CNTNAP2: variants seen among roughly 807,000 people sequenced by gnomAD.
CNTNAP2 encodes the protein contactin-associated protein-like 2.
A neutral mutation model predicts 155.2 loss-of-function variants in CNTNAP2; 98 were observed. That is an observed-to-expected ratio of 0.63 (90% CI 0.54 to 0.75). The LOEUF (loss-of-function observed/expected upper bound fraction) is 0.75. Ranked by LOEUF, CNTNAP2 falls within the 30% of genes least tolerant of loss-of-function variation. The pLI is 0.00. For missense variants in CNTNAP2, 1,727 were observed against 1,688.1 expected (o/e 1.02, Z -0.40); for synonymous variants, 651 against 631.2 (o/e 1.03, Z -0.47).
At chr7:147,700,744 G>A (rs1419565425) in intron 13 of CNTNAP2, among the ~76,000 whole-genome samples, 1 of 152,234 alleles carries the variant, frequency 6.6e-6, no homozygotes, top group Non-Finnish European at 1.5e-5. Flanking sequence ...TGATATAAGA[G>A]TGGTGTGAAA....
intron 1 of CNTNAP2, among the ~76,000 whole-genome samples, chr7:146,276,078 C>T (rs140880149): frequency 1.3e-5 from 2 of 152,264 alleles, no homozygotes; most frequent in African/African-American, 4.8e-5. Context: ...ACATGCTAAC[C>T]ACATTCCTAG....
chr7:148,363,997 C>T lies in CNTNAP2; in HGVS notation c.3476-19652C>T, dbSNP rs556849914. On this transcript the variant is annotated intron_variant, in intron 21 of 23. Coordinates refer to ENST00000361727, the MANE Select transcript of CNTNAP2 (RefSeq NM_014141.6). The stretch of plus-strand genomic sequence containing the variant: ...GTACTGGGTCCCCCAGCAGTGCCGG[C>T]CCACCGGCGCTGCGCTCGATTTCTC... Among the ~76,000 whole-genome samples, 24 of 152,272 alleles carry T rather than the reference C, an allele frequency of 1.6e-4. 1 individual carries two copies. The highest frequency in any genetic ancestry group is 5.8e-4 in the African/African-American group (24 of 41,562).
At chr7:146,500,497 T>C (rs1190203380) in intron 1 of CNTNAP2, among the ~76,000 whole-genome samples, 1 of 152,166 alleles carries the variant, frequency 6.6e-6, no homozygotes, top group Non-Finnish European at 1.5e-5. Flanking sequence ...ATTGTCTGGT[T>C]GCTATAATCC....
At chr7:146,746,857 T>A (rs150145747) in intron 1 of CNTNAP2, among the ~76,000 whole-genome samples, 3 of 152,284 alleles carry the variant, frequency 2.0e-5, no homozygotes, top group African/African-American at 7.2e-5. Context: ...AGTTGGATAT[T>A]TGAATTATCC....
In CNTNAP2 at chr7:146,987,521, GAATT is replaced by G. The variant is rs1049228685; in HGVS notation, c.403-56381_403-56378del. On this transcript the variant is annotated intron_variant, in intron 3 of 23. Coordinates refer to ENST00000361727, the MANE Select transcript of CNTNAP2 (RefSeq NM_014141.6). ...TAATCATGTTAATAAAGATTTGGAT[GAATT>G]AATTGTTATTCAAAATGGATTAGTT... is the stretch of plus-strand genomic sequence containing the variant. Among the ~76,000 whole-genome samples the G allele has an allele frequency of 4.6e-5, 7 of 152,176 alleles. 1 individual carries two copies. Among genetic ancestry groups the G allele is most frequent in the African/African-American group, 7.2e-5 (3 of 41,554 alleles).
At chr7:147,258,861 A>G (rs62484989) in intron 8 of CNTNAP2, among the ~76,000 whole-genome samples, 5,261 of 152,230 alleles carry the variant, frequency 0.035, 127 homozygotes, top group Non-Finnish European at 0.052. Flanking sequence ...TCCTCCCAAC[A>G]CCAATGCATG....
chr7:146,456,617 T>C (rs1163508380), intron 1 of CNTNAP2, among the ~76,000 whole-genome samples: 1 of 152,194 alleles, frequency 6.6e-6, no homozygotes, highest in Non-Finnish European at 1.5e-5. Flanking sequence ...TTTTGGAGTT[T>C]TAATTTTTAA....
intron 15 of CNTNAP2, among the ~76,000 whole-genome samples, chr7:148,059,976 C>T (rs1803101503): frequency 6.6e-6 from 1 of 152,048 alleles, no homozygotes; most frequent in African/African-American, 2.4e-5. Flanking sequence ...TTCCACCTTA[C>T]ATTTCCAGGA....
intron 11 of CNTNAP2, among the ~76,000 whole-genome samples, chr7:147,513,476 TCTCTA>T (rs1799057734): frequency 2.6e-5 from 4 of 152,184 alleles, no homozygotes; most frequent in Admixed American, 1.3e-4. Flanking sequence ...AATACAGGGT[TCTCTA>T]CTCACCTCGC....
chr7:147,297,115 A>G (rs757242076), intron 8 of CNTNAP2, among the ~76,000 whole-genome samples: 4 of 152,238 alleles, frequency 2.6e-5, no homozygotes, highest in Non-Finnish European at 5.9e-5. Flanking sequence ...CCTTACCCTT[A>G]GAATGAGTCA....
chr7:146,316,942 T>G lies in CNTNAP2; in HGVS notation c.97+199969T>G, dbSNP rs555712774. On this transcript the variant is annotated intron_variant, in intron 1 of 23. Transcript: ENST00000361727. ...CATAGGGGCCTTGTTCAATGGGGAT[T>G]CATTCATTCATTCATTCAATACATA... 1.8e-3 allele frequency among the ~76,000 whole-genome samples: 227 copies of G among 129,176 alleles called. 3 individuals are homozygous for G. The highest frequency in any genetic ancestry group is 3.0e-3 in the Non-Finnish European group (201 of 66,932). 84.7% of individuals were successfully genotyped at this position (129,176 alleles called of 152,430 possible).
chr7:147,171,873 A>G (rs549868592), intron 8 of CNTNAP2, among the ~76,000 whole-genome samples: 70 of 152,212 alleles, frequency 4.6e-4, no homozygotes, highest in Middle Eastern at 6.8e-3. Context: ...CATCGTGATC[A>G]TGAAACTTAC....
intron 1 of CNTNAP2, among the ~76,000 whole-genome samples, chr7:146,503,261 T>TA (rs796113417): frequency 6.6e-6 from 1 of 152,194 alleles, no homozygotes; most frequent in Non-Finnish European, 1.5e-5. Context: ...GAGGTCTTAC[T>TA]AAAAAAATCT....
chr7:146,417,213 G>C (rs1352985674), intron 1 of CNTNAP2, among the ~76,000 whole-genome samples: 3 of 152,072 alleles, frequency 2.0e-5, no homozygotes, highest in Non-Finnish European at 4.4e-5. Context: ...TCTGTATAAA[G>C]AGCTCTGTAC....
intron 15 of CNTNAP2, among the ~76,000 whole-genome samples, chr7:148,030,807 C>T (rs1802463296): frequency 6.6e-6 from 1 of 151,464 alleles, no homozygotes; most frequent in Admixed American, 6.6e-5. Flanking sequence ...ATGTGGTCAA[C>T]TATAAAGAAT....
chr7:148,170,119 C>T (rs547786149), intron 17 of CNTNAP2, among the ~76,000 whole-genome samples: 13 of 152,282 alleles, frequency 8.5e-5, no homozygotes, highest in Admixed American at 5.2e-4. Flanking sequence ...ATCTGAGTAG[C>T]GTAACAGAAT....
chr7:146,824,982 T>C (rs1026024614), intron 2 of CNTNAP2, among the ~76,000 whole-genome samples: 18 of 152,030 alleles, frequency 1.2e-4, no homozygotes, highest in Non-Finnish European at 8.8e-5. Context: ...AGAAATTCTT[T>C]ACATGAAGAA....
At chr7:146,297,270 G>T (rs1267776321) in intron 1 of CNTNAP2, among the ~76,000 whole-genome samples, 2 of 151,762 alleles carry the variant, frequency 1.3e-5, no homozygotes, top group African/African-American at 4.8e-5. Flanking sequence ...ATGTTTTCTT[G>T]TTCCATAAAG....
At chr7:147,215,097 T>C (rs892922329) in intron 8 of CNTNAP2, among the ~76,000 whole-genome samples, 17 of 152,080 alleles carry the variant, frequency 1.1e-4, no homozygotes, top group African/African-American at 4.1e-4. Context: ...TGCCTCAACA[T>C]GTGAGGATTA....
Sources: allele counts gnomAD v4.1 joint callset (sites outside exome capture counted in the v4.1 genomes callset), GRCh38; gene constraint gnomAD v4.1.1; transcripts MANE v1.5; gene names NCBI Gene and HGNC (gene_info 2026-07-23, HGNC 2026-07-21).